Variants in DLC1 observed in about 807,000 individuals in gnomAD.
DLC1 encodes the protein DLC1 Rho GTPase activating protein.
In DLC1, 54 loss-of-function variants were observed where a neutral mutation model predicts 140.3. The ratio of observed to expected loss-of-function variants is 0.38; its 90% confidence interval spans 0.31 to 0.48. The LOEUF (loss-of-function observed/expected upper bound fraction) is 0.48. Ranked by LOEUF, DLC1 falls within the 20% of genes least tolerant of loss-of-function variation. The pLI is 0.96. For missense variants in DLC1, 2,536 were observed against 1,907.0 expected (o/e 1.33, Z -6.14); for synonymous variants, 986 against 728.1 (o/e 1.35, Z -5.70).
At position 13,094,787 on chromosome 8, in the gene DLC1, G is replaced by C. The variant is rs1450158847; in HGVS notation, c.3498C>G (p.Leu1166=). The C allele has an allele frequency of 2.5e-6, 4 of 1,614,088 alleles. No individual in the cohort carries two copies. Among genetic ancestry groups the C allele is most frequent in the Non-Finnish European group, 3.4e-6 (4 of 1,180,044 alleles). Residue 1166 remains leucine, a synonymous_variant, in exon 12 of 18, where the codon CTC becomes CTG. Coordinates refer to ENST00000276297, the MANE Select transcript of DLC1 (RefSeq NM_182643.3). The part of the protein sequence containing the change: ...DLPEPLMTNK[L]SETFLQIYQY... ...GGTAGATCTGTAGAAAGGTTTCCGA[G>C]AGTTTGTTCGTCATTAGTGGCTCAG...
rs71207163 is a variant in DLC1, at chr8:13,551,075, C to CACACACACACTTT, written c.-125-50880_-125-50879insAAAGTGTGTGTGT. Among the ~76,000 whole-genome samples the CACACACACACTTT allele has an allele frequency of 4.2e-3, 508 of 121,656 alleles. 9 individuals carry two copies. The highest frequency in any genetic ancestry group is 0.013 in the African/African-American group (418 of 32,816). 79.8% of individuals were successfully genotyped at this position (121,656 alleles called of 152,430 possible). ...ACACACACACACACACACACACACA[C>CACACACACACTTT]TTTTTTTTTTTTTCCAAAGAACACT... is the stretch of plus-strand genomic sequence containing the variant. On this transcript the variant is annotated intron_variant, in intron 1 of 1. Coordinates refer to the DLC1 transcript ENST00000631382.
At chr8:13,141,688 C>T (rs1554583521) in intron 5 of DLC1, among the ~76,000 whole-genome samples, 1 of 152,148 alleles carries the variant, frequency 6.6e-6, no homozygotes, top group Non-Finnish European at 1.5e-5. Flanking sequence ...CATTCTAGAG[C>T]TATTTCTGGA....
At position 13,319,425 on chromosome 8, in the gene DLC1, C is replaced by T. The variant is rs144439258; in HGVS notation, c.1315-14123G>A. On this transcript the variant is annotated intron_variant, in intron 4 of 17. Transcript: ENST00000276297. Reference sequence around the variant, plus strand: ...TGGATGTGTGTCCCCACCCAAATTTCATCTCGAATTGTAATCCCCAGTGCT... The same window carrying T: ...TGGATGTGTGTCCCCACCCAAATTTTATCTCGAATTGTAATCCCCAGTGCT... Among the ~76,000 whole-genome samples the T allele has an allele frequency of 1.9e-4, 28 of 148,388 alleles. No individual in the cohort carries two copies. The East Asian group carries it at 5.8e-3, about 31-fold the overall frequency.
intron 5 of DLC1, among the ~76,000 whole-genome samples, chr8:13,189,907 C>G (rs1826646120): frequency 6.6e-6 from 1 of 151,688 alleles, no homozygotes; most frequent in Non-Finnish European, 1.5e-5. Flanking sequence ...AAGCTGCACT[C>G]TTGGCCCTGG....
At chr8:13,133,128 G>A (rs970362423) in intron 5 of DLC1, 6 of 1,459,942 alleles carry the variant, frequency 4.1e-6, no homozygotes, top group Middle Eastern at 2.0e-4. Context: ...CCTGCCCCTC[G>A]TCACGGCCCC....
chr8:13,400,679 G>C (rs1384213388), intron 3 of DLC1, among the ~76,000 whole-genome samples: 1 of 151,852 alleles, frequency 6.6e-6, no homozygotes, highest in Non-Finnish European at 1.5e-5. Context: ...TTTGATCTCA[G>C]GTAAATACAA....
At chr8:13,402,194 A>G (rs1438565311) in intron 2 of DLC1, among the ~76,000 whole-genome samples, 1 of 152,208 alleles carries the variant, frequency 6.6e-6, no homozygotes, top group Non-Finnish European at 1.5e-5. Flanking sequence ...CTTTTATTTT[A>G]CACACTTATA....
intron 13 of DLC1, among the ~76,000 whole-genome samples, chr8:13,092,144 C>G (rs1369289024): frequency 6.6e-6 from 1 of 152,178 alleles, no homozygotes; most frequent in Non-Finnish European, 1.5e-5. Flanking sequence ...ACTCGGGAGG[C>G]TGAGGCAGGA....
At chr8:13,483,158 C>T (rs1435074154) in intron 2 of DLC1, among the ~76,000 whole-genome samples, 2 of 152,174 alleles carry the variant, frequency 1.3e-5, no homozygotes, top group African/African-American at 4.8e-5. Context: ...TCTGTTTTCA[C>T]ATGGCCTTGT....
intron 5 of DLC1, among the ~76,000 whole-genome samples, chr8:13,233,842 G>A (rs536544086): frequency 1.6e-4 from 24 of 152,280 alleles, no homozygotes; most frequent in African/African-American, 5.8e-4. Context: ...AATCCATAGG[G>A]CTAGAGAGTC....
At position 13,092,616 on chromosome 8, in the gene DLC1, G is replaced by A. The variant is rs1277570021; in HGVS notation, c.3736C>T (p.Pro1246Ser). 1.9e-6 allele frequency: 3 copies of A among 1,614,002 alleles called. No individual in the cohort carries two copies. The highest frequency in any genetic ancestry group is 1.7e-6 in the Non-Finnish European group (2 of 1,180,030). ...LNTLKRENSS[P>S]RVMQRKQSLG... Reference sequence around the variant, plus strand: ...CACCTCCCATGCAGCCCGTACCTGGGAGAGGAATTCTCTCTCTTCAGGGTG... The same window carrying A: ...CACCTCCCATGCAGCCCGTACCTGGAAGAGGAATTCTCTCTCTTCAGGGTG... The change falls in exon 13 of 18, where the codon CCC (proline) becomes TCC (serine). Residue 1246 changes from proline (P) to serine (S), a missense_variant. Coordinates refer to ENST00000276297, the MANE Select transcript of DLC1 (RefSeq NM_182643.3).
At chr8:13,521,199 A>G (rs1416973389) in intron 1 of DLC1, among the ~76,000 whole-genome samples, 2 of 152,104 alleles carry the variant, frequency 1.3e-5, no homozygotes, top group East Asian at 3.9e-4. Flanking sequence ...GGAGCTGAAC[A>G]ATGAAAGAAC....
At chr8:13,466,833 A>G (rs1799964351) in intron 2 of DLC1, among the ~76,000 whole-genome samples, 1 of 152,170 alleles carries the variant, frequency 6.6e-6, no homozygotes, top group Admixed American at 6.5e-5. Context: ...AAATTAGAGA[A>G]ATGCAAATTA....
chr8:13,280,772 G>T (rs775655357), intron 5 of DLC1, among the ~76,000 whole-genome samples: 10 of 152,204 alleles, frequency 6.6e-5, no homozygotes, highest in Non-Finnish European at 1.2e-4. Flanking sequence ...TACCTAAAGT[G>T]CTGGAAGATC....
intron 5 of DLC1, among the ~76,000 whole-genome samples, chr8:13,170,554 C>A (rs987007441): frequency 1.1e-4 from 17 of 151,980 alleles, no homozygotes; most frequent in African/African-American, 4.1e-4. Flanking sequence ...CACGGTGAAA[C>A]CCCGTCCCTA....
chr8:13,142,086 C>T lies in DLC1; in HGVS notation c.1349-26429G>A, dbSNP rs150343880. On this transcript the variant is annotated intron_variant, in intron 5 of 17. Transcript: ENST00000276297. ...ATAAATGGTAGCTTTTTCCCACACT[C>T]ATACATACACAGTCGCTCCTGCCGC... Among the ~76,000 whole-genome samples, 244 of 152,330 alleles carry T rather than the reference C, an allele frequency of 1.6e-3. 1 individual carries two copies. The highest frequency in any genetic ancestry group is 5.4e-3 in the African/African-American group (223 of 41,576).
At chr8:13,437,126 T>C (rs289620) in intron 2 of DLC1, among the ~76,000 whole-genome samples, 82,407 of 152,026 alleles carry the variant, frequency 0.54, 23,016 homozygotes, top group African/African-American at 0.67. Context: ...CTCTTTTTGC[T>C]GTCTTCCTCT....
chr8:13,471,271 T>G (rs1800193869), intron 2 of DLC1, among the ~76,000 whole-genome samples: 1 of 151,608 alleles, frequency 6.6e-6, no homozygotes, highest in African/African-American at 2.4e-5. Flanking sequence ...ATTGTATACT[T>G]GAAATTTGCT....
chr8:13,426,576 C>A (rs1465056572), intron 2 of DLC1, among the ~76,000 whole-genome samples: 1 of 152,102 alleles, frequency 6.6e-6, no homozygotes, highest in Non-Finnish European at 1.5e-5. Flanking sequence ...CTCAGAAGGT[C>A]CCAGAATTTA....
Sources: allele counts gnomAD v4.1 joint callset (sites outside exome capture counted in the v4.1 genomes callset), GRCh38; gene constraint gnomAD v4.1.1; transcripts MANE v1.5; gene names NCBI Gene and HGNC (gene_info 2026-07-23, HGNC 2026-07-21).